The following TSNARE1 variants were observed in gnomAD, a reference collection of about 807,000 sequenced individuals.
TSNARE1 encodes t-SNARE domain-containing protein 1.
TSNARE1 carries 49 observed loss-of-function variants against 62.0 expected under a neutral mutation model. That is an observed-to-expected ratio of 0.79 (90% CI 0.63 to 1.00). The LOEUF (loss-of-function observed/expected upper bound fraction) is 1.00. TSNARE1 is among the 50% of genes least tolerant of loss of function. The probability of loss-of-function intolerance (pLI) is 0.00; values close to 1 mark genes in which losing one functional copy is unlikely to be tolerated. For synonymous variants in TSNARE1, 328 were observed against 294.4 expected (o/e 1.11, Z -1.17); for missense variants, 755 against 700.1 (o/e 1.08, Z -0.88).
At chr8:142,343,303 G>A (rs1486154324) in intron 4 of TSNARE1, among the ~76,000 whole-genome samples, 1 of 152,180 alleles carries the variant, frequency 6.6e-6, no homozygotes, top group Non-Finnish European at 1.5e-5. Flanking sequence ...CCACGGCGCT[G>A]AAACCCAGGT....
At position 142,271,064 on chromosome 8, in the gene TSNARE1, T is replaced by A. The variant is rs1023303977; in HGVS notation, c.1446+3717A>T. The A allele has an allele frequency of 2.9e-5, 29 of 985,962 alleles. No homozygotes were observed. In the Admixed American group the frequency reaches 1.1e-3, roughly 38 times the overall value. 61.1% of individuals were successfully genotyped at this position (985,962 alleles called of 1,614,324 possible). A position where few individuals can be genotyped will look rare whatever the true frequency, so the allele number is the denominator to read the frequency against. On this transcript the variant is annotated intron_variant, in intron 12 of 13. Transcript: ENST00000524325. The stretch of plus-strand genomic sequence containing the variant: ...GGAGGCCCTGCTCCTGCCCTTTGGC[T>A]CTGCCAGCACCCCCGACCAGCCCTA...
intron 2 of TSNARE1, among the ~76,000 whole-genome samples, chr8:142,346,248 T>G (rs2130449166): frequency 6.6e-6 from 1 of 152,308 alleles, no homozygotes; most frequent in South Asian, 2.1e-4. Context: ...CCAGCATCGT[T>G]TAAGGCAATT....
intron 8 of TSNARE1, 103 bp downstream of exon 8, chr8:142,314,900 C>G: frequency 1.8e-6 from 2 of 1,108,812 alleles, no homozygotes; most frequent in Admixed American, 1.8e-5. Context: ...GGGGATGGGG[C>G]TGCACCAGGC....
chr8:142,355,791 CAGCT>C (rs1834682431), intron 1 of TSNARE1, among the ~76,000 whole-genome samples: 1 of 152,192 alleles, frequency 6.6e-6, no homozygotes, highest in South Asian at 2.1e-4. Flanking sequence ...AGCCTCACGC[CAGCT>C]GAGTACAGAC....
intron 4 of TSNARE1, among the ~76,000 whole-genome samples, chr8:142,336,014 G>A (rs894123603): frequency 1.3e-5 from 2 of 152,136 alleles, no homozygotes; most frequent in African/African-American, 2.4e-5. Flanking sequence ...CAGGCGTGGC[G>A]GCTCATGCCT....
At chr8:142,318,029 T>G (rs1381257925) in intron 7 of TSNARE1, among the ~76,000 whole-genome samples, 1 of 151,846 alleles carries the variant, frequency 6.6e-6, no homozygotes, top group East Asian at 1.9e-4. Context: ...GCCGGAACGG[T>G]AGTGATGGCT....
chr8:142,262,063 C>G (rs1408694494), intron 12 of TSNARE1, among the ~76,000 whole-genome samples: 3 of 152,344 alleles, frequency 2.0e-5, no homozygotes, highest in Middle Eastern at 3.4e-3. Flanking sequence ...CTCATGGTAA[C>G]AAGACAAGGC....
rs1460631204 is a variant in TSNARE1 at position 142,330,942 on chromosome 8, G to T, written c.852C>A (p.Ser284=). The T allele has an allele frequency of 6.2e-7, 1 of 1,614,094 alleles. No individual in the cohort carries two copies. The highest frequency in any genetic ancestry group is 1.7e-5 in the Admixed American group (1 of 60,022). The change falls in exon 6 of 14, where the codon TCC becomes TCA. Residue 284 remains serine (S), a synonymous_variant. Transcript: ENST00000524325. ...CCTGCGTGTCACTCGGTGTCCCTAAGGACTGAAGGCTCCGCTCCAAGGAGG... is the reference window on the plus strand; with the variant it reads ...CCTGCGTGTCACTCGGTGTCCCTAATGACTGAAGGCTCCGCTCCAAGGAGG... ...SVTSLERSLQ[S]LGTPSDTQEL...
Position 142,367,257 on chromosome 8 carries a change from AAAC to A in TSNARE1, c.-39-12497_-39-12495del, listed in dbSNP as rs761943992. Reference sequence around the variant, plus strand: ...AAGTTGGCAGACAGTTCATATGGGAAAACAACAGGCAGTTCATCTAAGAAAACA... The same window carrying A: ...AAGTTGGCAGACAGTTCATATGGGAAAACAGGCAGTTCATCTAAGAAAACA... On this transcript the variant is annotated intron_variant, in intron 1 of 13. Transcript: ENST00000524325. Among the ~76,000 whole-genome samples the A allele has an allele frequency of 3.7e-4, 57 of 152,378 alleles. 1 individual carries two copies. Among genetic ancestry groups the A allele is most frequent in the Non-Finnish European group, 7.5e-4 (51 of 68,042 alleles).
In TSNARE1 at chr8:142,300,591, C is replaced by G; in HGVS notation, c.1185G>C (p.Gly395=). 1 of 1,613,656 alleles carries G rather than the reference C, an allele frequency of 6.2e-7. No homozygotes were observed. Among genetic ancestry groups the G allele is most frequent in the Non-Finnish European group, 8.5e-7 (1 of 1,179,990 alleles). Residue 395 remains glycine (G), a synonymous_variant, in exon 10 of 14, where the codon GGG becomes GGC. Coordinates refer to ENST00000524325, the MANE Select transcript of TSNARE1 (RefSeq NM_145003.5). ...ELADDEKVFN[G]SDNMWQGQEQ... ...CCTGGCCCTGCCACATGTTGTCACT[C>G]CCGTTAAAGACCTTCTCATCATCAG...
At chr8:142,344,671 G>A (rs1396338704) in intron 3 of TSNARE1, among the ~76,000 whole-genome samples, 199 bp from the exon 4 acceptor site, 1 of 152,224 alleles carries the variant, frequency 6.6e-6, no homozygotes, top group Non-Finnish European at 1.5e-5. Context: ...CTCACCAGGT[G>A]CCATCAGCAA....
At chr8:142,291,000 C>T (rs1007100076) in intron 10 of TSNARE1, among the ~76,000 whole-genome samples, 2 of 152,160 alleles carry the variant, frequency 1.3e-5, no homozygotes, top group Non-Finnish European at 2.9e-5. Context: ...ACCAGTGCCC[C>T]GGTGAGCCTG....
intron 9 of TSNARE1, among the ~76,000 whole-genome samples, chr8:142,302,331 C>G (rs1014614166): frequency 3.3e-5 from 5 of 152,190 alleles, no homozygotes; most frequent in South Asian, 4.1e-4. Context: ...ACTCGTCCGG[C>G]CACTGGTCTT....
intron 12 of TSNARE1, among the ~76,000 whole-genome samples, chr8:142,233,186 G>T (rs1327242858): frequency 6.6e-6 from 1 of 152,236 alleles, no homozygotes; most frequent in African/African-American, 2.4e-5. Context: ...CCTTAACGAG[G>T]CGAGATGAAT....
chr8:142,235,935 G>C (rs942941355), intron 12 of TSNARE1, among the ~76,000 whole-genome samples: 4 of 152,132 alleles, frequency 2.6e-5, no homozygotes, highest in Non-Finnish European at 5.9e-5. Context: ...CACGCAGGAG[G>C]GGCTTCACCT....
At chr8:142,298,618 A>G (rs568927243) in intron 10 of TSNARE1, among the ~76,000 whole-genome samples, 8 of 152,298 alleles carry the variant, frequency 5.3e-5, no homozygotes, top group African/African-American at 1.9e-4. Context: ...TCATGCCCGC[A>G]GCCCTCTGTG....
intron 13 of TSNARE1, among the ~76,000 whole-genome samples, chr8:142,214,293 G>A (rs578214047): frequency 2.0e-5 from 3 of 152,296 alleles, no homozygotes; most frequent in African/African-American, 7.2e-5. Context: ...CACACCACAG[G>A]GCCTCCCTGG....
intron 11 of TSNARE1, chr8:142,276,758 A>G: frequency 4.1e-6 from 4 of 985,388 alleles, no homozygotes; most frequent in Non-Finnish European, 4.8e-6. Context: ...GCCCACCCTC[A>G]GAATGGGGAC....
chr8:142,300,413 C>T, intron 10 of TSNARE1, 73 bp downstream of exon 10: 1 of 1,506,284 alleles, frequency 6.6e-7, no homozygotes, highest in South Asian at 1.3e-5. Flanking sequence ...AGCAGGCTGG[C>T]ACCTGGGCTC....
Sources: gnomAD v4.1 joint callset for allele counts (sites outside exome capture counted in the v4.1 genomes callset) on GRCh38, gnomAD v4.1.1 for gene constraint, MANE v1.5 for transcripts, NCBI Gene and HGNC (gene_info 2026-07-23, HGNC 2026-07-21) for gene names.